SCN3A: variants seen among roughly 807,000 people sequenced by gnomAD.
SCN3A encodes the protein sodium voltage-gated channel alpha subunit 3.
A neutral mutation model predicts 187.6 loss-of-function variants in SCN3A; 60 were observed. The ratio of observed to expected loss-of-function variants is 0.32; its 90% CI spans 0.26 to 0.40. The LOEUF is 0.40. Among genes scored for constraint, SCN3A ranks in the 10% least tolerant of loss-of-function variants. SCN3A has a pLI of 1.00. For missense variants in SCN3A, 1,601 were observed against 2,428.2 expected (o/e 0.66, Z 7.16); for synonymous variants, 788 against 829.2 (o/e 0.95, Z 0.85).
intron 11 of SCN3A, among the ~76,000 whole-genome samples, chr2:165,151,707 A>G (rs1265726429): frequency 6.6e-6 from 1 of 152,134 alleles, no homozygotes; most frequent in Non-Finnish European, 1.5e-5. Context: ...TAGTTCACAA[A>G]ACAGGGTACC....
intron 15 of SCN3A, among the ~76,000 whole-genome samples, chr2:165,136,490 G>T (rs1318710508): frequency 6.6e-6 from 1 of 152,128 alleles, no homozygotes; most frequent in Non-Finnish European, 1.5e-5. Context: ...AACTCTGCAC[G>T]AAGGGTATTA....
At chr2:165,135,776 A>G (rs1420546466) in intron 15 of SCN3A, among the ~76,000 whole-genome samples, 1 of 152,148 alleles carries the variant, frequency 6.6e-6, no homozygotes, top group Non-Finnish European at 1.5e-5. Flanking sequence ...GTAAGGAGGT[A>G]TCAACCAATA....
intron 26 of SCN3A, chr2:165,093,332 G>A (rs1000482251): frequency 3.3e-5 from 5 of 152,010 alleles, no homozygotes; most frequent in Admixed American, 6.6e-5. Context: ...GTGAATCTAT[G>A]TATGGGCTTG....
At chr2:165,118,768 T>A (rs985552190) in intron 18 of SCN3A, among the ~76,000 whole-genome samples, 1 of 146,258 alleles carries the variant, frequency 6.8e-6, no homozygotes, top group Non-Finnish European at 1.5e-5. Flanking sequence ...TATATTTATT[T>A]ATTTATTTTT....
chr2:165,178,539 T>C (rs1690620118), intron 2 of SCN3A, among the ~76,000 whole-genome samples: 1 of 152,132 alleles, frequency 6.6e-6, no homozygotes, highest in African/African-American at 2.4e-5. Flanking sequence ...CCAAAAAGTG[T>C]TTTTAACGTA....
intron 9 of SCN3A, among the ~76,000 whole-genome samples, chr2:165,156,259 C>G (rs1038066917): frequency 1.3e-5 from 2 of 151,954 alleles, no homozygotes; most frequent in African/African-American, 4.8e-5. Context: ...GTAATCCCAG[C>G]ACTTTGGGAG....
chr2:165,109,802 T>A (rs1686030988), intron 21 of SCN3A, among the ~76,000 whole-genome samples: 1 of 152,236 alleles, frequency 6.6e-6, no homozygotes, highest in African/African-American at 2.4e-5. Context: ...TACATAATGT[T>A]AACATATATG....
chr2:165,171,312 G>C (rs1276749650), intron 3 of SCN3A, among the ~76,000 whole-genome samples: 1 of 151,838 alleles, frequency 6.6e-6, no homozygotes, highest in East Asian at 1.9e-4. Flanking sequence ...CTCTCCCTAT[G>C]ACTCTGAATA....
At chr2:165,190,514 A>G (rs1691524332) in intron 1 of SCN3A, among the ~76,000 whole-genome samples, 1 of 146,404 alleles carries the variant, frequency 6.8e-6, no homozygotes, top group Admixed American at 6.8e-5. Flanking sequence ...ATAACTTTAT[A>G]TATATAACTT....
rs1249722276 is a variant in SCN3A, at chr2:165,140,647, T to C, written c.2019+4A>G. 1.2e-6 allele frequency: 2 copies of C among 1,613,092 alleles called. No homozygotes were observed. Among genetic ancestry groups the C allele is most frequent in the East Asian group, 4.5e-5 (2 of 44,864 alleles). ...TCAGTAGCAGCTAGGTCATCTATTA[T>C]CACCTCTGGGGGAAGTTGTCCAGTA... On this transcript the variant is annotated splice_donor_region_variant and intron_variant, in intron 13 of 27. Transcript: ENST00000283254. The surrounding 1 kb of genome is among the most constrained non-coding windows in gnomAD (Gnocchi z 4.2).
At chr2:165,162,445 T>C in intron 8 of SCN3A, 74 bp from the exon 9 acceptor site, 1 of 1,594,722 alleles carries the variant, frequency 6.3e-7, no homozygotes, top group Non-Finnish European at 8.6e-7. Context: ...TAAATCAGAG[T>C]TGGACTATTT....
intron 2 of SCN3A, among the ~76,000 whole-genome samples, chr2:165,176,923 G>A (rs1441898906): frequency 6.6e-6 from 1 of 152,016 alleles, no homozygotes; most frequent in Non-Finnish European, 1.5e-5. Context: ...AGAAGTACTG[G>A]TAACAATACA....
At chr2:165,091,489 C>A in intron 27 of SCN3A, 144 bp from the exon 28 acceptor site, 1 of 1,069,574 alleles carries the variant, frequency 9.3e-7, no homozygotes. Context: ...CTGACATTAG[C>A]AATTACAGAT....
intron 15 of SCN3A, among the ~76,000 whole-genome samples, chr2:165,133,067 C>G (rs985256338): frequency 9.2e-4 from 140 of 152,270 alleles, no homozygotes; most frequent in Non-Finnish European, 1.4e-3. Flanking sequence ...AAATGCAAAT[C>G]AAAACCACAA....
intron 2 of SCN3A, 110 bp from the exon 3 acceptor site, chr2:165,176,554 T>A: frequency 2.4e-6 from 2 of 820,054 alleles, no homozygotes; most frequent in Non-Finnish European, 3.9e-6. Flanking sequence ...AAACATTAAG[T>A]CATGCTTTTA....
intron 1 of SCN3A, among the ~76,000 whole-genome samples, chr2:165,188,605 T>C (rs1247430548): frequency 6.6e-6 from 1 of 151,918 alleles, no homozygotes; most frequent in Non-Finnish European, 1.5e-5. Flanking sequence ...CTGACCAACA[T>C]GGTGAAACCC....
chr2:165,089,559 A>G lies in SCN3A; in HGVS notation c.*591T>C, dbSNP rs1011756671. On this transcript the variant is annotated 3_prime_UTR_variant, in exon 28 of 28. Coordinates refer to ENST00000283254, the MANE Select transcript of SCN3A (RefSeq NM_006922.4). ...AACAGACTAAAATACTTTCAAAATT[A>G]AAGCCATCTAGAAAATGGAAGTAAC... 2 of 153,404 alleles carry G rather than the reference A, an allele frequency of 1.3e-5. No homozygotes were observed. Among genetic ancestry groups the G allele is most frequent in the East Asian group, 3.8e-4 (2 of 5,198 alleles). The allele number at this position is 153,404 out of a possible 1,614,324, so 9.5% of individuals were successfully genotyped here.
Position 165,127,828 on chromosome 2 carries a change from C to T in SCN3A, c.3196G>A (p.Asp1066Asn). Residue 1066 changes from aspartate (D) to asparagine (N), a missense_variant, in exon 18 of 28, where the codon GAT (aspartate) becomes AAT (asparagine). This residue lies in a region of SCN3A where 267 missense variants were observed against 313.2 expected (regional missense o/e 0.85). Transcript: ENST00000283254. ...EISKELNYLRDGNGTTSGVGT... is the reference protein window; with the variant it reads ...EISKELNYLRNGNGTTSGVGT... Reference sequence around the variant, plus strand: ...ACACCACTGGTGGTTCCATTCCCATCTCTAAGATAATTAAGCTCTTTGCTT... The same window carrying T: ...ACACCACTGGTGGTTCCATTCCCATTTCTAAGATAATTAAGCTCTTTGCTT... The T allele has an allele frequency of 1.2e-6, 2 of 1,614,188 alleles. No individual in the cohort carries two copies. Among genetic ancestry groups the T allele is most frequent in the Non-Finnish European group, 1.7e-6 (2 of 1,180,030 alleles).
chr2:165,135,213 AT>A (rs936268421), intron 15 of SCN3A, among the ~76,000 whole-genome samples: 2 of 152,064 alleles, frequency 1.3e-5, no homozygotes, highest in African/African-American at 4.8e-5. Flanking sequence ...GCATTTTATA[AT>A]GATTAAAAAA....
Sources: allele counts gnomAD v4.1 joint callset (sites outside exome capture counted in the v4.1 genomes callset), GRCh38; gene constraint gnomAD v4.1.1; regional missense constraint gnomAD v4.1.1; non-coding constraint Gnocchi (gnomAD v3.1); transcripts MANE v1.5; gene names NCBI Gene and HGNC (gene_info 2026-07-23, HGNC 2026-07-21).